LRP12: variants seen among roughly 807,000 people sequenced by gnomAD.
LRP12 encodes LDL receptor related protein 12.
LRP12 carries 14 observed loss-of-function variants against 66.0 expected under a neutral mutation model. That is an observed-to-expected ratio of 0.21 (90% CI 0.14 to 0.33). The LOEUF is 0.33. LRP12 is among the 10% of genes least tolerant of loss of function. The probability of loss-of-function intolerance (pLI) is 1.00; values close to 1 mark genes in which losing one functional copy is unlikely to be tolerated. For synonymous variants in LRP12, 357 were observed against 359.1 expected (o/e 0.99, Z 0.07); for missense variants, 889 against 1,053.4 (o/e 0.84, Z 2.16).
chr8:104,507,707 A>G (rs1296296649), intron 3 of LRP12: 1 of 152,172 alleles, frequency 6.6e-6, no homozygotes, highest in African/African-American at 2.4e-5. Flanking sequence ...CTACCACTCA[A>G]TCAGGCAAGA....
intron 3 of LRP12, chr8:104,507,728 G>C (rs1365510610): frequency 6.6e-6 from 1 of 152,168 alleles, no homozygotes; most frequent in Non-Finnish European, 1.5e-5. Context: ...GAAAAACACT[G>C]CATGGAGGAG....
intron 1 of LRP12, among the ~76,000 whole-genome samples, chr8:104,541,754 T>C (rs6981436): frequency 0.031 from 4,669 of 152,302 alleles, 237 homozygotes; most frequent in African/African-American, 0.11. Context: ...AATGGAATCA[T>C]ACAATATGTG....
chr8:104,501,899 T>C (rs1355654852), intron 3 of LRP12, among the ~76,000 whole-genome samples: 5 of 152,232 alleles, frequency 3.3e-5, no homozygotes, highest in African/African-American at 1.2e-4. Context: ...TAAGATATCT[T>C]GGTGTTTCCA....
rs371335155 is a variant in LRP12 at position 104,497,653 on chromosome 8, C to T, written c.899G>A (p.Arg300His). ...ACCATCAAGTTTAAAGTCAGTGAAGCGTAAAATGACTTTACGGTGATCACC... is the reference window on the plus strand; with the variant it reads ...ACCATCAAGTTTAAAGTCAGTGAAGTGTAAAATGACTTTACGGTGATCACC... The part of the protein sequence containing the change: ...DTGDHRKVIL[R>H]FTDFKLDGTG... The change falls in exon 5 of 7, where the codon CGC becomes CAC. Residue 300 changes from arginine (R) to histidine (H), a missense_variant. By Grantham distance (29) the Arg-to-His change is conservative (BLOSUM62 0). Coordinates refer to ENST00000276654, the MANE Select transcript of LRP12 (RefSeq NM_013437.5). The surrounding 1 kb of genome is among the most constrained non-coding windows in gnomAD (Gnocchi z 4.3). 1.2e-5 allele frequency: 19 copies of T among 1,614,020 alleles called. No individual in the cohort carries two copies. The highest frequency in any genetic ancestry group is 1.7e-4 in the Middle Eastern group (1 of 6,060).
At chr8:104,529,346 T>A (rs571138759) in intron 2 of LRP12, among the ~76,000 whole-genome samples, 16 of 152,288 alleles carry the variant, frequency 1.1e-4, no homozygotes, top group Non-Finnish European at 2.2e-4. Flanking sequence ...AAAATAAATT[T>A]ATGTTGTTTA....
intron 1 of LRP12, among the ~76,000 whole-genome samples, chr8:104,561,566 G>A (rs1811907474): frequency 6.6e-6 from 1 of 152,130 alleles, no homozygotes; most frequent in South Asian, 2.1e-4. Flanking sequence ...ATAATTGCTT[G>A]TTATCAGAGT....
At chr8:104,585,785 A>G (rs1259129503) in intron 1 of LRP12, among the ~76,000 whole-genome samples, 1 of 152,216 alleles carries the variant, frequency 6.6e-6, no homozygotes, top group African/African-American at 2.4e-5. Flanking sequence ...GTTAGGAAAC[A>G]CTAATCTGGG....
At chr8:104,549,400 CTTTT>C (rs66644217) in intron 1 of LRP12, among the ~76,000 whole-genome samples, 7 of 116,690 alleles carry the variant, frequency 6.0e-5, no homozygotes, top group African/African-American at 1.3e-4. Flanking sequence ...TCTGAATCCA[CTTTT>C]TTTTTTTTTT....
intron 6 of LRP12, 74 bp from the exon 7 acceptor site, chr8:104,491,613 C>CTTAA (rs1285822018): frequency 3.8e-6 from 4 of 1,060,856 alleles, no homozygotes; most frequent in Admixed American, 2.8e-5. Flanking sequence ...AAACACCCTT[C>CTTAA]TATTAAGAAT....
intron 1 of LRP12, among the ~76,000 whole-genome samples, chr8:104,578,999 C>T (rs1460252899): frequency 6.6e-6 from 1 of 152,112 alleles, no homozygotes; most frequent in African/African-American, 2.4e-5. Context: ...AAGCTGGAAG[C>T]ATGACCCCTG....
intron 2 of LRP12, among the ~76,000 whole-genome samples, chr8:104,525,643 A>T (rs912958832): frequency 1.3e-5 from 2 of 152,054 alleles, no homozygotes; most frequent in South Asian, 4.2e-4. Context: ...ATTCTAACTT[A>T]ATGTTCATTA....
intron 2 of LRP12, among the ~76,000 whole-genome samples, chr8:104,524,812 T>C: frequency 6.6e-6 from 1 of 152,112 alleles, no homozygotes; most frequent in Non-Finnish European, 1.5e-5. Context: ...AAAACTTGAT[T>C]TAGAAGTAAT....
intron 1 of LRP12, among the ~76,000 whole-genome samples, chr8:104,534,370 G>C (rs1811366795): frequency 6.6e-6 from 1 of 152,002 alleles, no homozygotes; most frequent in Non-Finnish European, 1.5e-5. Context: ...TCTGGAACTG[G>C]AATTAGAGAG....
chr8:104,510,327 G>C (rs1810972799), intron 2 of LRP12, among the ~76,000 whole-genome samples: 1 of 151,994 alleles, frequency 6.6e-6, no homozygotes, highest in East Asian at 1.9e-4. Flanking sequence ...ATTTATTACA[G>C]GGTTATGAAT....
At chr8:104,526,250 T>C (rs1811236247) in intron 2 of LRP12, among the ~76,000 whole-genome samples, 1 of 151,888 alleles carries the variant, frequency 6.6e-6, no homozygotes, top group Non-Finnish European at 1.5e-5. Context: ...AAAATGGCCA[T>C]ACTGCCCAAG....
intron 3 of LRP12, among the ~76,000 whole-genome samples, chr8:104,499,968 T>A (rs1385113513): frequency 6.6e-6 from 1 of 152,216 alleles, no homozygotes; most frequent in Non-Finnish European, 1.5e-5. Context: ...GCAGCTGACA[T>A]TCTTAGGAGA....
In LRP12 at chr8:104,509,614, C is replaced by G. The variant is rs924665645; in HGVS notation, c.137-540G>C. Among the ~76,000 whole-genome samples the G allele has an allele frequency of 8.5e-5, 13 of 152,134 alleles. No homozygotes were observed. In the East Asian group the frequency reaches 2.1e-3, roughly 25 times the overall value. On this transcript the variant is annotated intron_variant, in intron 2 of 6. Transcript: ENST00000276654. ...TGCCATTATGAATGGCCTTGAAGCA[C>G]AAAAGTAGTGATGCTGGTAATTCGG...
intron 1 of LRP12, among the ~76,000 whole-genome samples, chr8:104,539,360 C>G (rs1251377698): frequency 6.6e-6 from 1 of 152,140 alleles, no homozygotes; most frequent in East Asian, 1.9e-4. Flanking sequence ...AAGAATTTAA[C>G]AGGCTAGCAA....
intron 2 of LRP12, among the ~76,000 whole-genome samples, chr8:104,511,580 G>C (rs539277825): frequency 6.6e-6 from 1 of 152,134 alleles, no homozygotes; most frequent in African/African-American, 2.4e-5. Context: ...TTTAGGTTAA[G>C]AATGCTAGGA....
Sources: gnomAD v4.1 joint callset for allele counts (sites outside exome capture counted in the v4.1 genomes callset) on GRCh38, gnomAD v4.1.1 for gene constraint, Gnocchi (gnomAD v3.1) non-coding constraint, MANE v1.5 for transcripts, NCBI Gene and HGNC (gene_info 2026-07-23, HGNC 2026-07-21) for gene names.